Variants in TSPAN3 observed in about 807,000 individuals in gnomAD.
The protein encoded by TSPAN3 is tetraspanin-3.
TSPAN3 carries 9 observed loss-of-function variants against 31.1 expected under a neutral mutation model. The ratio of observed to expected loss-of-function variants is 0.29; its 90% confidence interval spans 0.17 to 0.50. TSPAN3 has a LOEUF of 0.50. TSPAN3 is among the 20% of genes least tolerant of loss of function. The pLI is 0.98. For missense variants in TSPAN3, 252 were observed against 313.5 expected, an observed-to-expected ratio of 0.80 and a Z score of 1.48; for synonymous variants, 129 against 114.3, an observed-to-expected ratio of 1.13 and a Z score of -0.82.
At chr15:77,047,456 G>A (rs1240819613) in intron 6 of TSPAN3, among the ~76,000 whole-genome samples, 1 of 152,154 alleles carries the variant, frequency 6.6e-6, no homozygotes, top group Non-Finnish European at 1.5e-5. Context: ...TTTGGAAAAC[G>A]AAATTCAGTA....
chr15:77,052,538 T>G, intron 5 of TSPAN3, 70 bp from the exon 6 acceptor site: 2 of 1,403,380 alleles, frequency 1.4e-6, no homozygotes, highest in Non-Finnish European at 2.0e-6. Flanking sequence ...CACAGGCCAC[T>G]ACCCACTTAC....
At chr15:77,061,656 T>C (rs1195827068) in intron 1 of TSPAN3, among the ~76,000 whole-genome samples, 2 of 152,120 alleles carry the variant, frequency 1.3e-5, no homozygotes, top group African/African-American at 4.8e-5. Context: ...AGTGGGGAGA[T>C]AAAGTAGCTC....
rs913306852 is a variant in TSPAN3, at chr15:77,071,093, C to T, written c.-139G>A. The T allele has an allele frequency of 2.3e-5, 11 of 480,432 alleles. No individual in the cohort carries two copies. The highest frequency in any genetic ancestry group is 1.7e-4 in the East Asian group (4 of 22,968). The allele number at this position is 480,432 out of a possible 1,614,324, so 29.8% of individuals were successfully genotyped here. ...CCGCAGCCCCTGCGCCGTCGCGCAG[C>T]CCCGACCCCAGCAAGTGCCTCGCTC... On this transcript the variant is annotated 5_prime_UTR_variant, in exon 1 of 7. Transcript: ENST00000267970.
At chr15:77,054,320 T>A in intron 3 of TSPAN3, 41 bp from the exon 4 acceptor site, 1 of 1,366,100 alleles carries the variant, frequency 7.3e-7, no homozygotes, top group African/African-American at 1.4e-5. Flanking sequence ...AAAATACTAG[T>A]AAAAGTAACA....
At chr15:77,056,337 TGA>T in intron 1 of TSPAN3, 82 bp from the exon 2 acceptor site, 2 of 1,121,690 alleles carry the variant, frequency 1.8e-6, no homozygotes, top group East Asian at 2.6e-5. Context: ...TATAATTTAA[TGA>T]GAGTTACCGT....
At chr15:77,058,418 C>T (rs556360459) in intron 1 of TSPAN3, among the ~76,000 whole-genome samples, 4 of 152,326 alleles carry the variant, frequency 2.6e-5, no homozygotes, top group African/African-American at 9.6e-5. Context: ...TCTTCAAATG[C>T]CTGGGAACTC....
At chr15:77,065,658 T>C (rs1354670942) in intron 1 of TSPAN3, among the ~76,000 whole-genome samples, 1 of 152,144 alleles carries the variant, frequency 6.6e-6, no homozygotes, top group Non-Finnish European at 1.5e-5. Flanking sequence ...CTGCCACCCT[T>C]GGCGTCCCAA....
chr15:77,061,087 G>A (rs1024556976), intron 1 of TSPAN3, among the ~76,000 whole-genome samples: 5 of 152,036 alleles, frequency 3.3e-5, no homozygotes, highest in African/African-American at 1.2e-4. Flanking sequence ...TTCATTTTAT[G>A]CTTTTACCCT....
intron 1 of TSPAN3, among the ~76,000 whole-genome samples, chr15:77,058,239 C>T (rs1254118700): frequency 6.6e-6 from 1 of 152,198 alleles, no homozygotes; most frequent in African/African-American, 2.4e-5. Context: ...CATAGCCTTA[C>T]TTAAAATCAG....
chr15:77,048,790 A>G (rs2076709716), intron 6 of TSPAN3, among the ~76,000 whole-genome samples: 1 of 152,166 alleles, frequency 6.6e-6, no homozygotes, highest in Admixed American at 6.5e-5. Flanking sequence ...ACACCCAGCA[A>G]CTGCAAAAAT....
chr15:77,053,258 G>T (rs1222055075), intron 4 of TSPAN3, among the ~76,000 whole-genome samples: 1 of 151,826 alleles, frequency 6.6e-6, no homozygotes, highest in Non-Finnish European at 1.5e-5. Flanking sequence ...CACTTTGGGA[G>T]GCCGAGATGG....
chr15:77,069,379 G>A (rs968179491), intron 1 of TSPAN3, among the ~76,000 whole-genome samples: 1 of 152,238 alleles, frequency 6.6e-6, no homozygotes, highest in South Asian at 2.1e-4. Context: ...AGACTGATAC[G>A]ACTTTTGCTA....
chr15:77,052,577 G>A (rs2076739271), intron 5 of TSPAN3, 109 bp from the exon 6 acceptor site: 3 of 1,190,844 alleles, frequency 2.5e-6, no homozygotes, highest in Non-Finnish European at 3.6e-6. Flanking sequence ...AACTGAAAGA[G>A]TGGAAAAAAG....
intron 6 of TSPAN3, among the ~76,000 whole-genome samples, chr15:77,052,018 T>C (rs1056046181): frequency 3.3e-5 from 5 of 152,184 alleles, no homozygotes; most frequent in African/African-American, 4.8e-5. Context: ...ATTCCCAAAC[T>C]GAAAGAAAGA....
chr15:77,064,294 T>C (rs1294709594), intron 1 of TSPAN3: 3 of 152,192 alleles, frequency 2.0e-5, no homozygotes, highest in Admixed American at 6.5e-5. Flanking sequence ...CCCCATTAGC[T>C]GTCAGACTAC....
Position 77,052,943 on chromosome 15 carries a change from G to T in TSPAN3, c.433-14C>A. On this transcript the variant is annotated splice_polypyrimidine_tract_variant and intron_variant, in intron 4 of 6. Coordinates refer to ENST00000267970, the MANE Select transcript of TSPAN3 (RefSeq NM_005724.6). ...ACAACAATGCAGCTAAAGGAGAAGA[G>T]AATAAGTATTATTTCTCACAAAAAC... is the stretch of plus-strand genomic sequence containing the variant. 1 of 1,604,384 alleles carries T rather than the reference G, an allele frequency of 6.2e-7. No individual in the cohort carries two copies. Among genetic ancestry groups the T allele is most frequent in the Admixed American group, 1.7e-5 (1 of 59,374 alleles).
chr15:77,069,153 C>T (rs1418482832), intron 1 of TSPAN3, among the ~76,000 whole-genome samples: 4 of 152,184 alleles, frequency 2.6e-5, no homozygotes, highest in African/African-American at 4.8e-5. Context: ...GGTAGCTAAC[C>T]GTTTTGTGCT....
At chr15:77,055,931 A>T in intron 2 of TSPAN3, 68 bp from the exon 3 acceptor site, 18 of 1,541,986 alleles carry the variant, frequency 1.2e-5, no homozygotes, top group Non-Finnish European at 1.3e-5. Flanking sequence ...TCTTGATTTA[A>T]AAAAAGTTAT....
Position 77,046,772 on chromosome 15 carries a change from A to G in TSPAN3, c.*63T>C, listed in dbSNP as rs991622985. On this transcript the variant is annotated 3_prime_UTR_variant, in exon 7 of 7. Transcript: ENST00000267970. Reference sequence around the variant, plus strand: ...ATGAACTCCAGAGGCCAACAGCAGCAGACCTGCTCAATTCACCTTCCAAAT... The same window carrying G: ...ATGAACTCCAGAGGCCAACAGCAGCGGACCTGCTCAATTCACCTTCCAAAT... 6 of 1,254,096 alleles carry G rather than the reference A, an allele frequency of 4.8e-6. No individual in the cohort carries two copies. The highest frequency in any genetic ancestry group is 6.8e-6 in the Non-Finnish European group (6 of 876,676). The allele number at this position is 1,254,096 out of a possible 1,614,324, so 77.7% of individuals were successfully genotyped here. A position where few individuals can be genotyped will look rare whatever the true frequency, so the allele number is the denominator to read the frequency against.
Sources: allele counts gnomAD v4.1 joint callset (sites outside exome capture counted in the v4.1 genomes callset), GRCh38; gene constraint gnomAD v4.1.1; transcripts MANE v1.5; gene names NCBI Gene and HGNC (gene_info 2026-07-23, HGNC 2026-07-21).